Variants in MACF1 observed in about 807,000 individuals in gnomAD.
MACF1 encodes microtubule-actin cross-linking factor 1.
A neutral mutation model predicts 854.8 loss-of-function variants in MACF1; 193 were observed. The observed-to-expected ratio is 0.23, with a 90% CI of 0.20 to 0.25. MACF1 has a LOEUF of 0.25. Among genes scored for constraint, MACF1 ranks in the 10% least tolerant of loss-of-function variants. MACF1 has a pLI of 1.00. For missense variants in MACF1, 7,722 were observed against 8,929.1 expected (o/e 0.86, Z 5.45); for synonymous variants, 3,185 against 3,226.7 (o/e 0.99, Z 0.44).
intron 2 of MACF1, among the ~76,000 whole-genome samples, chr1:39,173,338 C>CAA (rs10636583): frequency 9.9e-5 from 10 of 100,994 alleles, no homozygotes; most frequent in Non-Finnish European, 1.1e-4. Context: ...GACTCCATCT[C>CAA]AAAAAAAAAA....
chr1:39,269,501 C>T (rs1012743848), intron 6 of MACF1: 1 of 1,289,616 alleles, frequency 7.8e-7, no homozygotes, highest in African/African-American at 1.5e-5. Flanking sequence ...AAGTGCCCCC[C>T]CAGGATTCCA....
intron 88 of MACF1, 49 bp downstream of exon 88, chr1:39,453,899 CTATAG>C: frequency 1.9e-6 from 3 of 1,601,592 alleles, no homozygotes; most frequent in Non-Finnish European, 2.6e-6. Flanking sequence ...TAAACTATCA[CTATAG>C]TATAGTATAG....
intron 40 of MACF1, among the ~76,000 whole-genome samples, chr1:39,341,334 A>G (rs1646931559): frequency 6.6e-6 from 1 of 150,910 alleles, no homozygotes; most frequent in Non-Finnish European, 1.5e-5. Flanking sequence ...ACACCCGGCC[A>G]TTTATCTTTC....
Position 39,332,743 on chromosome 1 carries a change from C to A in MACF1, c.6155C>A (p.Pro2052His). The change falls in exon 37 of 101, where the codon CCC becomes CAC. Residue 2052 changes from proline (P) to histidine (H), a missense_variant. Coordinates refer to ENST00000564288, the MANE Select transcript of MACF1 (RefSeq NM_001394062.1). ...TTTTCTTCTCAGAACAAAGAATATCCCGATCGGGAAGATTGCACTACAGAA... is the reference window on the plus strand; with the variant it reads ...TTTTCTTCTCAGAACAAAGAATATCACGATCGGGAAGATTGCACTACAGAA... ...FQFSSQNKEY[P>H]DREDCTTEKG... 1 of 1,614,082 alleles carries A rather than the reference C, an allele frequency of 6.2e-7. No homozygotes were observed.
At chr1:39,197,618 C>A (rs768922069) in intron 2 of MACF1, among the ~76,000 whole-genome samples, 1 of 152,178 alleles carries the variant, frequency 6.6e-6, no homozygotes, top group Non-Finnish European at 1.5e-5. Flanking sequence ...TGTGGTGGCT[C>A]ATGCCTGTAA....
At chr1:39,245,627 C>T (rs1278905902) in intron 2 of MACF1, among the ~76,000 whole-genome samples, 1 of 152,182 alleles carries the variant, frequency 6.6e-6, no homozygotes, top group African/African-American at 2.4e-5. Flanking sequence ...GTAGCTCACA[C>T]CTGTAATCCC....
chr1:39,368,316 T>C lies in MACF1; in HGVS notation c.12938+2T>C. On this transcript the variant is annotated splice_donor_variant, in intron 50 of 100. Coordinates refer to ENST00000564288, the MANE Select transcript of MACF1 (RefSeq NM_001394062.1). LOFTEE classifies it high-confidence loss of function. ...GCTACAGAAGACAGTTAAAGAGAGG[T>C]GAGTTATCACTTGTGTTGGTCAGCA... is the stretch of plus-strand genomic sequence containing the variant. The C allele has an allele frequency of 6.2e-7, 1 of 1,611,706 alleles. No homozygotes were observed. The highest frequency in any genetic ancestry group is 8.5e-7 in the Non-Finnish European group (1 of 1,178,126).
intron 1 of MACF1, among the ~76,000 whole-genome samples, chr1:39,220,460 A>T (rs1339592097): frequency 6.9e-6 from 1 of 145,712 alleles, no homozygotes; most frequent in Admixed American, 7.0e-5. Flanking sequence ...GGTGTGAGCC[A>T]CTGCTTCTGG....
chr1:39,213,594 C>T (rs1162313968), intron 1 of MACF1, among the ~76,000 whole-genome samples: 1 of 152,154 alleles, frequency 6.6e-6, no homozygotes, highest in African/African-American at 2.4e-5. Context: ...GCCTTGGCCT[C>T]CTAAAGTGCT....
intron 50 of MACF1, among the ~76,000 whole-genome samples, chr1:39,369,552 CT>C (rs1312582045): frequency 6.6e-6 from 1 of 152,134 alleles, no homozygotes; most frequent in Non-Finnish European, 1.5e-5. Context: ...CAAAACTTTC[CT>C]TTTGATTTAG....
chr1:39,214,961 C>T (rs1292151304), intron 1 of MACF1, among the ~76,000 whole-genome samples: 1 of 152,200 alleles, frequency 6.6e-6, no homozygotes, highest in Non-Finnish European at 1.5e-5. Context: ...TTACAAGCTT[C>T]TGCTCTGCAA....
chr1:39,453,593 C>T (rs1167688004), intron 87 of MACF1, 114 bp from the exon 88 acceptor site: 13 of 881,474 alleles, frequency 1.5e-5, no homozygotes, highest in African/African-American at 5.0e-5. Context: ...TAGAGGTCTG[C>T]GTTAACACAT....
intron 91 of MACF1, 28 bp downstream of exon 91, chr1:39,459,277 G>GA: frequency 6.3e-7 from 1 of 1,585,206 alleles, no homozygotes. Flanking sequence ...GGCCTTCCCT[G>GA]AAACAAAGTG....
chr1:39,334,824 A>G lies in MACF1; in HGVS notation c.8236A>G (p.Ile2746Val), dbSNP rs1364694779. The G allele has an allele frequency of 1.2e-6, 2 of 1,614,192 alleles. No individual in the cohort carries two copies. The highest frequency in any genetic ancestry group is 2.2e-5 in the East Asian group (1 of 44,876). Residue 2746 changes from isoleucine (I) to valine (V), a missense_variant, in exon 37 of 101, where the codon ATT becomes GTT. Physicochemically the swap from Ile to Val is conservative, Grantham distance 29. Coordinates refer to ENST00000564288, the MANE Select transcript of MACF1 (RefSeq NM_001394062.1). ...TCAGAGAGTGACTTTAGTAGAAGCT[A>G]TTGAGAAAAGACTGATCAGCCCTGA... The part of the protein sequence containing the change: ...SDQRVTLVEA[I>V]EKRLISPELA...
intron 58 of MACF1, among the ~76,000 whole-genome samples, chr1:39,408,737 T>C (rs1457994000): frequency 4.6e-5 from 7 of 152,006 alleles, no homozygotes; most frequent in Non-Finnish European, 1.0e-4. Context: ...TCCGTTCCTC[T>C]CCTTGCGCCC....
At chr1:39,188,199 A>AGGC (rs1325635071) in intron 2 of MACF1, among the ~76,000 whole-genome samples, 1 of 151,990 alleles carries the variant, frequency 6.6e-6, no homozygotes, top group East Asian at 1.9e-4. Context: ...GCACTTTGGG[A>AGGC]GGCCGAGGCA....
At chr1:39,205,607 G>A (rs998522867) in intron 1 of MACF1, among the ~76,000 whole-genome samples, 2 of 152,132 alleles carry the variant, frequency 1.3e-5, no homozygotes, top group African/African-American at 4.8e-5. Context: ...AGGAGGAAGG[G>A]TCAGTCAGTG....
intron 18 of MACF1, among the ~76,000 whole-genome samples, chr1:39,294,123 G>A (rs745620053): frequency 9.2e-5 from 14 of 152,124 alleles, no homozygotes; most frequent in African/African-American, 1.4e-4. Context: ...GTCTAGTATT[G>A]TTCAACTGGG....
At position 39,105,667 on chromosome 1, in the gene MACF1, A is replaced by G; in HGVS notation, c.220+21229A>G. 8.1e-7 allele frequency: 1 copy of G among 1,236,228 alleles called. No homozygotes were observed. Among genetic ancestry groups the G allele is most frequent in the Non-Finnish European group, 1.0e-6 (1 of 962,546 alleles). The allele number at this position is 1,236,228 out of a possible 1,614,324, so 76.6% of individuals were successfully genotyped here. A position where few individuals can be genotyped will look rare whatever the true frequency, so the allele number is the denominator to read the frequency against. On this transcript the variant is annotated intron_variant, in intron 2 of 93. Coordinates refer to the MACF1 transcript ENST00000361689. This position sits in a 1 kb window ranked among gnomAD's most constrained non-coding sequence, Gnocchi z 5.9. The stretch of plus-strand genomic sequence containing the variant: ...GGTCAGCAGCCGGCCAACCGCAGCC[A>G]GGAGAAGGAGTTCGTGCAGGCGTAC...
Sources: allele counts gnomAD v4.1 joint callset (sites outside exome capture counted in the v4.1 genomes callset), GRCh38; gene constraint gnomAD v4.1.1; non-coding constraint Gnocchi (gnomAD v3.1); transcripts MANE v1.5; gene names NCBI Gene and HGNC (gene_info 2026-07-23, HGNC 2026-07-21).